Variants in CWF19L2 observed in about 807,000 individuals in gnomAD.
The protein encoded by CWF19L2 is CWF19-like protein 2.
CWF19L2 carries 98 observed loss-of-function variants against 111.7 expected under a neutral mutation model. That is an observed-to-expected ratio of 0.88 (90% CI 0.75 to 1.04). The LOEUF (loss-of-function observed/expected upper bound fraction) is 1.04, where lower values mean the gene tolerates loss of function less well. Among genes scored for constraint, CWF19L2 ranks in the 50% least tolerant of loss-of-function variants. The pLI, the probability that CWF19L2 is intolerant of heterozygous loss-of-function variation, is 0.00. For synonymous variants in CWF19L2, 351 were observed against 342.9 expected, an observed-to-expected ratio of 1.02 and a Z score of -0.26; for missense variants, 1,101 against 1,051.4, an observed-to-expected ratio of 1.05 and a Z score of -0.65.
intron 14 of CWF19L2, among the ~76,000 whole-genome samples, chr11:107,345,802 T>A (rs897476245): frequency 9.8e-5 from 15 of 152,298 alleles, no homozygotes; most frequent in East Asian, 1.9e-4. Flanking sequence ...ATTCATTTTT[T>A]AAAAAGTTAT....
At chr11:107,455,049 G>C (rs1473056759) in intron 2 of CWF19L2, among the ~76,000 whole-genome samples, 1 of 152,070 alleles carries the variant, frequency 6.6e-6, no homozygotes, top group Non-Finnish European at 1.5e-5. Context: ...GGAAGATGTT[G>C]ATCAAAGGGT....
intron 11 of CWF19L2, among the ~76,000 whole-genome samples, chr11:107,391,497 C>T (rs571937926): frequency 5.0e-4 from 76 of 152,300 alleles, no homozygotes; most frequent in African/African-American, 1.8e-3. Flanking sequence ...GTAGCCTGAA[C>T]TAAGAGACCA....
At chr11:107,394,807 C>T (rs1052827276) in intron 10 of CWF19L2, among the ~76,000 whole-genome samples, 5 of 152,022 alleles carry the variant, frequency 3.3e-5, no homozygotes, top group African/African-American at 1.2e-4. Flanking sequence ...GCCCTTCAGC[C>T]TGAAACCTAA....
At chr11:107,438,055 T>C (rs1252870044) in intron 6 of CWF19L2, among the ~76,000 whole-genome samples, 1 of 152,178 alleles carries the variant, frequency 6.6e-6, no homozygotes, top group Non-Finnish European at 1.5e-5. Flanking sequence ...TTAGTAAAAT[T>C]GCTAAATTAA....
At chr11:107,349,958 A>C (rs1860134377) in intron 13 of CWF19L2, among the ~76,000 whole-genome samples, 1 of 152,208 alleles carries the variant, frequency 6.6e-6, no homozygotes, top group South Asian at 2.1e-4. Flanking sequence ...TTTTCTACAT[A>C]ATCACTGAGA....
chr11:107,431,391 A>C (rs886608259), intron 7 of CWF19L2, among the ~76,000 whole-genome samples: 5 of 152,028 alleles, frequency 3.3e-5, no homozygotes, highest in Admixed American at 6.5e-5. Context: ...TGGCATATGC[A>C]TAATAACTGC....
intron 3 of CWF19L2, 88 bp from the exon 4 acceptor site, chr11:107,443,137 ATCGT>A: frequency 2.3e-6 from 2 of 884,118 alleles, no homozygotes; most frequent in Non-Finnish European, 1.8e-6. Context: ...GAAATTCAAC[ATCGT>A]AGAAAAAAAT....
chr11:107,411,887 G>C (rs567426705), intron 10 of CWF19L2, among the ~76,000 whole-genome samples: 6 of 152,146 alleles, frequency 3.9e-5, no homozygotes, highest in East Asian at 1.9e-4. Context: ...AGGCAGAGAC[G>C]GATTGTCAAA....
At chr11:107,409,428 G>A (rs1259778801) in intron 10 of CWF19L2, among the ~76,000 whole-genome samples, 1 of 152,012 alleles carries the variant, frequency 6.6e-6, no homozygotes, top group Non-Finnish European at 1.5e-5. Context: ...CTCTTTATCA[G>A]CAGTGTAGAC....
At chr11:107,384,401 T>C (rs949029785) in intron 12 of CWF19L2, among the ~76,000 whole-genome samples, 3 of 152,246 alleles carry the variant, frequency 2.0e-5, no homozygotes, top group African/African-American at 7.2e-5. Context: ...GGTAATTTTA[T>C]ACAACGTTTT....
chr11:107,440,643 C>CA (rs1565286081), intron 5 of CWF19L2, among the ~76,000 whole-genome samples: 4 of 151,884 alleles, frequency 2.6e-5, no homozygotes, highest in East Asian at 3.9e-4. Flanking sequence ...AGAGGCTAGA[C>CA]AAATTATGAG....
chr11:107,454,615 C>A, intron 2 of CWF19L2, 43 bp from the exon 3 acceptor site: 3 of 1,239,186 alleles, frequency 2.4e-6, no homozygotes, highest in Non-Finnish European at 3.1e-6. Context: ...TTAATTTCAT[C>A]TTAATTTAAA....
chr11:107,367,236 C>A (rs369037452), intron 12 of CWF19L2, among the ~76,000 whole-genome samples: 17 of 133,318 alleles, frequency 1.3e-4, no homozygotes, highest in East Asian at 4.4e-4. Flanking sequence ...GTGGGACTGT[C>A]AACTAGTTCA....
intron 1 of CWF19L2, among the ~76,000 whole-genome samples, 162 bp from the exon 2 acceptor site, chr11:107,455,938 A>AT (rs1431681668): frequency 1.3e-4 from 20 of 152,322 alleles, no homozygotes; most frequent in Middle Eastern, 3.4e-3. Context: ...AAAAAAATAA[A>AT]AAAATAAATA....
chr11:107,419,311 A>G (rs1236368007), intron 8 of CWF19L2, among the ~76,000 whole-genome samples: 1 of 152,228 alleles, frequency 6.6e-6, no homozygotes, highest in Non-Finnish European at 1.5e-5. Flanking sequence ...ACAAAAGTTA[A>G]AAGGATCAAA....
At chr11:107,331,137 AC>A (rs1859844393) in intron 16 of CWF19L2, among the ~76,000 whole-genome samples, 1 of 152,220 alleles carries the variant, frequency 6.6e-6, no homozygotes, top group Non-Finnish European at 1.5e-5. Flanking sequence ...CTATATTTCC[AC>A]ATTTTTAAAT....
intron 3 of CWF19L2, 115 bp downstream of exon 3, chr11:107,454,335 A>G (rs1201110096): frequency 1.3e-6 from 1 of 792,844 alleles, no homozygotes. Context: ...ATATTTTCAT[A>G]TCATAACTAG....
chr11:107,372,808 C>T (rs1454398248), intron 12 of CWF19L2, among the ~76,000 whole-genome samples: 4 of 131,424 alleles, frequency 3.0e-5, no homozygotes, highest in African/African-American at 1.3e-4. Flanking sequence ...TCTACAGCTC[C>T]CAGCGTGAGC....
intron 14 of CWF19L2, 171 bp downstream of exon 14, chr11:107,348,766 A>G: frequency 2.6e-6 from 1 of 383,700 alleles, no homozygotes; most frequent in Non-Finnish European, 4.8e-6. Context: ...CAAGGGAAAT[A>G]AAATGATGGA....
Sources: gnomAD v4.1 joint callset for allele counts (sites outside exome capture counted in the v4.1 genomes callset) on GRCh38, gnomAD v4.1.1 for gene constraint, MANE v1.5 for transcripts, NCBI Gene and HGNC (gene_info 2026-07-23, HGNC 2026-07-21) for gene names.